PLXDC2: variants seen among roughly 807,000 people sequenced by gnomAD.
PLXDC2 encodes plexin domain containing 2, also known as plexin domain-containing protein 2.
A neutral mutation model predicts 68.9 loss-of-function variants in PLXDC2; 40 were observed. The observed-to-expected ratio is 0.58, with a 90% CI of 0.45 to 0.76. PLXDC2 has a LOEUF of 0.76. PLXDC2 is among the 30% of genes least tolerant of loss of function. The pLI is 0.00. For missense variants in PLXDC2, 644 were observed against 661.9 expected (o/e 0.97, Z 0.30); for synonymous variants, 243 against 234.2 (o/e 1.04, Z -0.34).
chr10:20,169,792 G>A (rs1834422814), intron 7 of PLXDC2, among the ~76,000 whole-genome samples: 3 of 152,128 alleles, frequency 2.0e-5, no homozygotes, highest in African/African-American at 7.2e-5. Flanking sequence ...CCCATGCAGG[G>A]CCTTGCACTA....
chr10:19,890,342 A>T (rs1837931458), intron 1 of PLXDC2, among the ~76,000 whole-genome samples: 1 of 152,158 alleles, frequency 6.6e-6, no homozygotes, highest in South Asian at 2.1e-4. Flanking sequence ...GAATCATCCC[A>T]TCACCCAGGT....
At chr10:20,047,566 T>A (rs2358915) in intron 3 of PLXDC2, among the ~76,000 whole-genome samples, 30,006 of 152,060 alleles carry the variant, frequency 0.2, 4,165 homozygotes, top group East Asian at 0.6. Flanking sequence ...CATTATTTCC[T>A]AAGTGTGTCT....
chr10:20,055,549 C>A (rs1248051581), intron 3 of PLXDC2, among the ~76,000 whole-genome samples: 1 of 152,076 alleles, frequency 6.6e-6, no homozygotes, highest in Non-Finnish European at 1.5e-5. Context: ...TTCATAATGT[C>A]AAACAGTAGG....
At chr10:19,956,960 A>G (rs924903070) in intron 1 of PLXDC2, among the ~76,000 whole-genome samples, 5 of 152,206 alleles carry the variant, frequency 3.3e-5, no homozygotes, top group African/African-American at 1.2e-4. Flanking sequence ...ATTCTGTTTA[A>G]TTATAAAAGG....
chr10:20,287,996 G>GGGGGGGGGGT lies in PLXDC2; in HGVS notation c.*8177_*8178insGGGGGGGGGT. Reference sequence around the variant, plus strand: ...TCTTGCGGCGGGGGAGGGGGGGGGGGCGGTGGCTTTCCAGATTTTATGCCA... The same window carrying GGGGGGGGGGT: ...TCTTGCGGCGGGGGAGGGGGGGGGGGGGGGGGGGGTCGGTGGCTTTCCAGATTTTATGCCA... On this transcript the variant is annotated 3_prime_UTR_variant, in exon 14 of 14. Coordinates refer to ENST00000377252, the MANE Select transcript of PLXDC2 (RefSeq NM_032812.9). The GGGGGGGGGGT allele has an allele frequency of 8.6e-6, 1 of 116,884 alleles. No individual in the cohort carries two copies. Among genetic ancestry groups the GGGGGGGGGGT allele is most frequent in the South Asian group, 3.7e-4 (1 of 2,728 alleles). 7.2% of individuals were successfully genotyped at this position (116,884 alleles called of 1,614,324 possible). A position where few individuals can be genotyped will look rare whatever the true frequency, so the allele number is the denominator to read the frequency against.
intron 1 of PLXDC2, among the ~76,000 whole-genome samples, chr10:19,892,921 CTT>C (rs61406547): frequency 7.4e-4 from 97 of 130,400 alleles, no homozygotes; most frequent in Middle Eastern, 3.9e-3. Flanking sequence ...TTGAAATGGT[CTT>C]TTTTTTTTTT....
At chr10:20,238,662 A>AAAATATATATATATGTATAT (rs1175526348) in intron 12 of PLXDC2, among the ~76,000 whole-genome samples, 91 of 31,670 alleles carry the variant, frequency 2.9e-3, no homozygotes, top group Admixed American at 0.011. Flanking sequence ...TCTCAAAAAA[A>AAAATATATATATATGTATAT]ATATATATAT....
chr10:20,189,249 T>C (rs570603207), intron 9 of PLXDC2, among the ~76,000 whole-genome samples: 4 of 151,204 alleles, frequency 2.6e-5, no homozygotes, highest in East Asian at 2.0e-4. Context: ...TTTTGAAATA[T>C]ATTTTGATGT....
At chr10:20,091,490 C>G (rs1833275658) in intron 4 of PLXDC2, among the ~76,000 whole-genome samples, 1 of 152,190 alleles carries the variant, frequency 6.6e-6, no homozygotes, top group South Asian at 2.1e-4. Flanking sequence ...TTCTCCTAAT[C>G]TTGCCTTTCC....
chr10:19,928,664 A>G (rs1240782808), intron 1 of PLXDC2, among the ~76,000 whole-genome samples: 2 of 151,188 alleles, frequency 1.3e-5, no homozygotes, highest in African/African-American at 4.9e-5. Flanking sequence ...GAGAAAGGAG[A>G]GTAGACTGGA....
chr10:19,895,221 C>A (rs982122190), intron 1 of PLXDC2, among the ~76,000 whole-genome samples: 6 of 152,090 alleles, frequency 3.9e-5, no homozygotes, highest in African/African-American at 1.2e-4. Flanking sequence ...GATGATGGGT[C>A]TGGAGGTGTC....
intron 1 of PLXDC2, among the ~76,000 whole-genome samples, chr10:19,840,010 T>C (rs1181171113): frequency 6.6e-6 from 1 of 152,194 alleles, no homozygotes; most frequent in Non-Finnish European, 1.5e-5. Context: ...AAAAACTAAA[T>C]GTTAACTAAT....
At chr10:19,870,868 T>C (rs899469678) in intron 1 of PLXDC2, among the ~76,000 whole-genome samples, 1 of 152,246 alleles carries the variant, frequency 6.6e-6, no homozygotes, top group South Asian at 2.1e-4. Context: ...GGATTCTGTG[T>C]TATGTGCTTA....
intron 1 of PLXDC2, among the ~76,000 whole-genome samples, chr10:19,818,227 GGTGTGTGTGT>G (rs749435110): frequency 0.06 from 8,246 of 137,560 alleles, 299 homozygotes; most frequent in Non-Finnish European, 0.081. Context: ...GTTCTTTTCT[GGTGTGTGTGT>G]GTGTGTGTGT....
intron 1 of PLXDC2, among the ~76,000 whole-genome samples, chr10:19,888,768 G>T (rs1837894084): frequency 6.6e-6 from 1 of 152,122 alleles, no homozygotes; most frequent in Admixed American, 6.6e-5. Context: ...GTGCAGAGGG[G>T]TAGGGTGAGG....
intron 1 of PLXDC2, among the ~76,000 whole-genome samples, chr10:19,908,232 A>G (rs1295821917): frequency 6.6e-6 from 1 of 152,172 alleles, no homozygotes; most frequent in Admixed American, 6.5e-5. Context: ...TCACTAATCA[A>G]TTTCTTATCA....
At chr10:20,011,807 G>A (rs1161747319) in intron 2 of PLXDC2, among the ~76,000 whole-genome samples, 1 of 152,182 alleles carries the variant, frequency 6.6e-6, no homozygotes, top group Admixed American at 6.5e-5. Flanking sequence ...TTTCCATGAA[G>A]ATCTGTAGTA....
chr10:20,224,142 T>C (rs1452500557), intron 12 of PLXDC2, among the ~76,000 whole-genome samples: 1 of 151,912 alleles, frequency 6.6e-6, no homozygotes, highest in Admixed American at 6.6e-5. Context: ...CCCGGCTAAT[T>C]TTTGTATTTT....
At position 20,286,597 on chromosome 10, in the gene PLXDC2, G is replaced by A. The variant is rs952448826; in HGVS notation, c.*6778G>A. ...TGCCTATCAAACAAATACATAGCAT[G>A]AAACTAATTTTAGAAGTTTCATGGG... On this transcript the variant is annotated 3_prime_UTR_variant, in exon 14 of 14. Coordinates refer to ENST00000377252, the MANE Select transcript of PLXDC2 (RefSeq NM_032812.9). 1 of 152,096 alleles carries A rather than the reference G, an allele frequency of 6.6e-6. No homozygotes were observed. Among genetic ancestry groups the A allele is most frequent in the Non-Finnish European group, 1.5e-5 (1 of 68,024 alleles). 9.4% of individuals were successfully genotyped at this position (152,096 alleles called of 1,614,324 possible).
Sources: gnomAD v4.1 joint callset for allele counts (sites outside exome capture counted in the v4.1 genomes callset) on GRCh38, gnomAD v4.1.1 for gene constraint, MANE v1.5 for transcripts, NCBI Gene and HGNC (gene_info 2026-07-23, HGNC 2026-07-21) for gene names.